Variants in ATP11A observed in about 807,000 individuals in gnomAD.
ATP11A encodes ATPase phospholipid transporting 11A, also known as phospholipid-transporting ATPase IH.
In ATP11A, 81 loss-of-function variants were observed where a neutral mutation model predicts 154.4. That is an observed-to-expected ratio of 0.52 (90% CI 0.44 to 0.63). ATP11A has a LOEUF of 0.63. Among genes scored for constraint, ATP11A ranks in the 30% least tolerant of loss-of-function variants. The probability of loss-of-function intolerance (pLI) is 0.00; values close to 1 mark genes in which losing one functional copy is unlikely to be tolerated. For missense variants in ATP11A, 1,316 were observed against 1,474.3 expected, an observed-to-expected ratio of 0.89 and a Z score of 1.76; for synonymous variants, 623 against 585.9, an observed-to-expected ratio of 1.06 and a Z score of -0.91.
intron 9 of ATP11A, 82 bp downstream of exon 9, chr13:112,823,491 G>T: frequency 8.4e-7 from 1 of 1,194,042 alleles, no homozygotes; most frequent in Non-Finnish European, 1.2e-6. Context: ...AGCGGAACCC[G>T]AGAGCGTTTC....
chr13:112,779,420 T>A (rs61961156), intron 1 of ATP11A, among the ~76,000 whole-genome samples: 66,257 of 128,560 alleles, frequency 0.52, 16,523 homozygotes, highest in African/African-American at 0.64. Flanking sequence ...CACTGGAGTG[T>A]GTAGCCGCTG....
intron 8 of ATP11A, among the ~76,000 whole-genome samples, chr13:112,821,065 C>T (rs1483513721): frequency 6.6e-6 from 1 of 152,204 alleles, no homozygotes; most frequent in Non-Finnish European, 1.5e-5. Flanking sequence ...TACGTATATA[C>T]TGTTCTAAAG....
intron 25 of ATP11A, among the ~76,000 whole-genome samples, chr13:112,870,290 G>A (rs188244094): frequency 7.7e-4 from 117 of 152,336 alleles, no homozygotes; most frequent in African/African-American, 2.7e-3. Context: ...TGGGAGGACT[G>A]TAGCCCACAC....
At chr13:112,876,466 C>T (rs2080728283) in intron 28 of ATP11A, among the ~76,000 whole-genome samples, 1 of 152,062 alleles carries the variant, frequency 6.6e-6, no homozygotes, top group African/African-American at 2.4e-5. Flanking sequence ...TCCCGGTCCC[C>T]CATCCTTTTC....
rs9324215 is a variant in ATP11A, at chr13:112,878,634, G to A, written c.*9+331G>A. On this transcript the variant is annotated intron_variant, in intron 29 of 29. Coordinates refer to ENST00000375645, the MANE Select transcript of ATP11A (RefSeq NM_015205.3). The stretch of plus-strand genomic sequence containing the variant: ...ACACAGGTGTCAGAGGGGTTCCTAA[G>A]CAGGAAGGTGTGAGAGTTTGCAATT... Among the ~76,000 whole-genome samples, 1,181 of 152,314 alleles carry A rather than the reference G, an allele frequency of 7.8e-3. 15 individuals carry two copies. Among genetic ancestry groups the A allele is most frequent in the African/African-American group, 0.027 (1,120 of 41,552 alleles).
chr13:112,811,049 ACTT>A (rs2078479592), intron 5 of ATP11A, among the ~76,000 whole-genome samples: 1 of 145,722 alleles, frequency 6.9e-6, no homozygotes, highest in African/African-American at 2.5e-5. Flanking sequence ...CAAGCTCCCT[ACTT>A]CTTTTTTTTT....
chr13:112,749,501 GATAAAA>G (rs1209393818), intron 1 of ATP11A, among the ~76,000 whole-genome samples: 4 of 152,190 alleles, frequency 2.6e-5, no homozygotes, highest in Non-Finnish European at 4.4e-5. Flanking sequence ...AAGTCTTACA[GATAAAA>G]ATAAGCAAAG....
intron 1 of ATP11A, among the ~76,000 whole-genome samples, chr13:112,713,347 A>G (rs993047638): frequency 2.0e-5 from 3 of 152,186 alleles, no homozygotes; most frequent in African/African-American, 7.2e-5. Flanking sequence ...GTGAGCCAAG[A>G]TCATGCCATT....
chr13:112,761,419 T>C (rs2076959511), intron 1 of ATP11A, among the ~76,000 whole-genome samples: 1 of 152,218 alleles, frequency 6.6e-6, no homozygotes, highest in Admixed American at 6.5e-5. Context: ...ATTGTTATAA[T>C]TGTTCTATTT....
intron 16 of ATP11A, among the ~76,000 whole-genome samples, chr13:112,840,526 CCAGCCT>C (rs1310626908): frequency 2.2e-5 from 3 of 139,496 alleles, no homozygotes; most frequent in African/African-American, 8.1e-5. Context: ...TCATCCCCCC[CCAGCCT>C]CAGCCTCCCT....
At chr13:112,739,703 A>G (rs560279959) in intron 1 of ATP11A, among the ~76,000 whole-genome samples, 5 of 152,392 alleles carry the variant, frequency 3.3e-5, no homozygotes, top group Non-Finnish European at 7.3e-5. Context: ...ATTATTCATC[A>G]TAGCCAAAGA....
rs984175250 is a variant in ATP11A at position 112,859,699 on chromosome 13, C to G, written c.2727+247C>G. On this transcript the variant is annotated intron_variant, in intron 23 of 29. Transcript: ENST00000375645. The surrounding 1 kb of genome is among the most constrained non-coding windows in gnomAD (Gnocchi z 4.3). ...CTGAAACTGCCGTGGCCCTGAGATG[C>G]GGGCCAGTGATGATGTGGTCTCCTC... is the stretch of plus-strand genomic sequence containing the variant. Among the ~76,000 whole-genome samples, 1 of 152,212 alleles carries G rather than the reference C, an allele frequency of 6.6e-6. No individual in the cohort carries two copies. The highest frequency in any genetic ancestry group is 6.5e-5 in the Admixed American group (1 of 15,282).
chr13:112,832,904 C>G lies in ATP11A; in HGVS notation c.1440C>G (p.Thr480=), dbSNP rs750547366. Residue 480 remains threonine, a synonymous_variant, in exon 14 of 30, where the codon ACC becomes ACG. Transcript: ENST00000375645. ...LFFRALCLCH[T]VQVKDDDSVD... Reference sequence around the variant, plus strand: ...TCCGGGCCCTCTGTCTCTGCCACACCGTCCAGGTGAAAGACGATGACAGCG... The same window carrying G: ...TCCGGGCCCTCTGTCTCTGCCACACGGTCCAGGTGAAAGACGATGACAGCG... The G allele has an allele frequency of 6.2e-7, 1 of 1,614,076 alleles. No homozygotes were observed. The highest frequency in any genetic ancestry group is 1.1e-5 in the South Asian group (1 of 91,078).
At chr13:112,705,405 G>A (rs913141540) in intron 1 of ATP11A, among the ~76,000 whole-genome samples, 8 of 136,282 alleles carry the variant, frequency 5.9e-5, no homozygotes, top group African/African-American at 7.6e-5. Flanking sequence ...TGTTCATCCC[G>A]CACGCACTGA....
rs1033830273 is a variant in ATP11A at position 112,831,301 on chromosome 13, G to C, written c.1222-74G>C. On this transcript the variant is annotated intron_variant, in intron 12 of 29. Transcript: ENST00000375645. ...ACAGTGGGAGCTGGGGAGGAAACAC[G>C]GCTGCTGTGTGTCTGAGTCGGGGAC... The C allele has an allele frequency of 5.9e-6, 9 of 1,524,610 alleles. No individual in the cohort carries two copies. In the Middle Eastern group the frequency reaches 7.0e-4, roughly 118 times the overall value. 94.4% of individuals were successfully genotyped at this position (1,524,610 alleles called of 1,614,324 possible).
At position 112,790,643 on chromosome 13, in the gene ATP11A, G is replaced by A. The variant is rs377368927; in HGVS notation, c.162+5386G>A. Among the ~76,000 whole-genome samples the A allele has an allele frequency of 6.0e-5, 9 of 150,354 alleles. No individual in the cohort carries two copies. The South Asian group carries it at 1.7e-3, about 28-fold the overall frequency. ...TAGACCTCCTTAATCCACACCGGGT[G>A]TCCTGATGTGTAGACCCCTGCGATA... On this transcript the variant is annotated intron_variant, in intron 2 of 29. Transcript: ENST00000375645.
At chr13:112,719,862 C>G (rs1196335168) in intron 1 of ATP11A, among the ~76,000 whole-genome samples, 1 of 152,164 alleles carries the variant, frequency 6.6e-6, no homozygotes, top group Non-Finnish European at 1.5e-5. Flanking sequence ...GGGCCTAGTG[C>G]TGGAGCTCAG....
rs557213338 is a variant in ATP11A, at chr13:112,696,766, C to T, written c.39+6311C>T. 6.6e-6 allele frequency: 1 copy of T among 152,518 alleles called. No homozygotes were observed. The highest frequency in any genetic ancestry group is 1.5e-5 in the Non-Finnish European group (1 of 68,176). The allele number at this position is 152,518 out of a possible 1,614,324, so 9.4% of individuals were successfully genotyped here. A position where few individuals can be genotyped will look rare whatever the true frequency, so the allele number is the denominator to read the frequency against. The stretch of plus-strand genomic sequence containing the variant: ...GCCCTTGCCCTCCACCTCAGCGACT[C>T]CGTGGGGCTTTTGTGATCCCAGCTG... On this transcript the variant is annotated intron_variant, in intron 1 of 29. Coordinates refer to ENST00000375645, the MANE Select transcript of ATP11A (RefSeq NM_015205.3). The surrounding 1 kb of genome is among the most constrained non-coding windows in gnomAD (Gnocchi z 6.2).
chr13:112,878,201 T>A lies in ATP11A; in HGVS notation c.3328-16T>A. On this transcript the variant is annotated splice_polypyrimidine_tract_variant and intron_variant, in intron 28 of 29. Transcript: ENST00000375645. Reference sequence around the variant, plus strand: ...CACACACCCCTGTGTGCGTGGCCGCTGACCTCGGGACTAAGACTAAGAGCC... The same window carrying A: ...CACACACCCCTGTGTGCGTGGCCGCAGACCTCGGGACTAAGACTAAGAGCC... The A allele has an allele frequency of 6.2e-7, 1 of 1,613,694 alleles. No homozygotes were observed. Among genetic ancestry groups the A allele is most frequent in the Non-Finnish European group, 8.5e-7 (1 of 1,179,552 alleles).
Sources: allele counts gnomAD v4.1 joint callset (sites outside exome capture counted in the v4.1 genomes callset), GRCh38; gene constraint gnomAD v4.1.1; non-coding constraint Gnocchi (gnomAD v3.1); transcripts MANE v1.5; gene names NCBI Gene and HGNC (gene_info 2026-07-23, HGNC 2026-07-21).